MCAM: variants seen among roughly 807,000 people sequenced by gnomAD.
MCAM encodes cell surface glycoprotein MUC18.
A neutral mutation model predicts 79.1 loss-of-function variants in MCAM; 55 were observed. The ratio of observed to expected loss-of-function variants is 0.70; its 90% CI spans 0.56 to 0.87. MCAM has a LOEUF of 0.87. Ranked by LOEUF, MCAM falls within the 40% of genes least tolerant of loss-of-function variation. The pLI is 0.00. For synonymous variants in MCAM, 330 were observed against 339.8 expected (o/e 0.97, Z 0.32); for missense variants, 745 against 839.8 (o/e 0.89, Z 1.40).
In MCAM at chr11:119,316,754, C is replaced by T. The variant is rs1267419996; in HGVS notation, c.67+281G>A. The T allele has an allele frequency of 1.5e-5, 7 of 453,952 alleles. No individual in the cohort carries two copies. The East Asian group carries it at 2.1e-4, about 14-fold the overall frequency. 28.1% of individuals were successfully genotyped at this position (453,952 alleles called of 1,614,324 possible). A position where few individuals can be genotyped will look rare whatever the true frequency, so the allele number is the denominator to read the frequency against. On this transcript the variant is annotated intron_variant, in intron 1 of 15. Coordinates refer to ENST00000264036, the MANE Select transcript of MCAM (RefSeq NM_006500.3). This position sits in a 1 kb window ranked among gnomAD's most constrained non-coding sequence, Gnocchi z 4.8. Reference sequence around the variant, plus strand: ...GAGCACCTCAGGGACCACCCACCCCCCAGCACCCCGAAAGGCTGAGCTCCA... The same window carrying T: ...GAGCACCTCAGGGACCACCCACCCCTCAGCACCCCGAAAGGCTGAGCTCCA...
In MCAM at chr11:119,317,122, G is replaced by A. The variant is rs1166319929; in HGVS notation, c.-21C>T. The A allele has an allele frequency of 6.6e-7, 1 of 1,514,780 alleles. No individual in the cohort carries two copies. 93.8% of individuals were successfully genotyped at this position (1,514,780 alleles called of 1,614,324 possible). A position where few individuals can be genotyped will look rare whatever the true frequency, so the allele number is the denominator to read the frequency against. ...CCCATGCTTCCCGGCCGGAGGGCGAGAGCCAAGTGAGCAGCTCGAGGCTGC... is the reference window on the plus strand; with the variant it reads ...CCCATGCTTCCCGGCCGGAGGGCGAAAGCCAAGTGAGCAGCTCGAGGCTGC... On this transcript the variant is annotated 5_prime_UTR_variant, in exon 1 of 16. Transcript: ENST00000264036. The surrounding 1 kb of genome is among the most constrained non-coding windows in gnomAD (Gnocchi z 6.2).
At position 119,315,074 on chromosome 11, in the gene MCAM, C is replaced by T. The variant is rs1591287774; in HGVS notation, c.193-34G>A. 2.5e-6 allele frequency: 4 copies of T among 1,610,440 alleles called. No homozygotes were observed. In the African/African-American group the frequency reaches 4.0e-5, roughly 16 times the overall value. On this transcript the variant is annotated intron_variant, in intron 2 of 15. Transcript: ENST00000264036. This position sits in a 1 kb window ranked among gnomAD's most constrained non-coding sequence, Gnocchi z 4.4. ...AGGAGACACAGAGGAGGAGAAGGGTCCTGGGCTACAAGAGGGGCAGAGTCT... is the reference window on the plus strand; with the variant it reads ...AGGAGACACAGAGGAGGAGAAGGGTTCTGGGCTACAAGAGGGGCAGAGTCT...
Position 119,314,431 on chromosome 11 carries a change from C to T in MCAM, c.559+58G>A. Reference sequence around the variant, plus strand: ...TTGGCCTCCCAAAGCACCGAGATTACAGGTGTGAGCTACCACACCTGGCCC... The same window carrying T: ...TTGGCCTCCCAAAGCACCGAGATTATAGGTGTGAGCTACCACACCTGGCCC... On this transcript the variant is annotated intron_variant, in intron 5 of 15. Coordinates refer to ENST00000264036, the MANE Select transcript of MCAM (RefSeq NM_006500.3). 6.8e-6 allele frequency: 10 copies of T among 1,475,342 alleles called. No homozygotes were observed. In the South Asian group the frequency reaches 8.0e-5, roughly 12 times the overall value. 91.4% of individuals were successfully genotyped at this position (1,475,342 alleles called of 1,614,324 possible).
chr11:119,313,136 A>T, intron 5 of MCAM, 187 bp from the exon 6 acceptor site: 1 of 1,530,554 alleles, frequency 6.5e-7, no homozygotes, highest in African/African-American at 1.4e-5. Context: ...AACCCTAGAA[A>T]AACATTTTCA....
At position 119,312,425 on chromosome 11, in the gene MCAM, G is replaced by T; in HGVS notation, c.865C>A (p.Pro289Thr). Residue 289 changes from proline (P) to threonine (T), a missense_variant, in exon 8 of 16, where the codon CCC becomes ACC. Pro to Thr is a conservative substitution (Grantham distance 38, BLOSUM62 -1). Coordinates refer to ENST00000264036, the MANE Select transcript of MCAM (RefSeq NM_006500.3). The surrounding 1 kb of genome is among the most constrained non-coding windows in gnomAD (Gnocchi z 4.9). The stretch of plus-strand genomic sequence containing the variant: ...TCTTCCTCTGCCTCCCTGGTGCTGG[G>T]GTTCTAGGGAGGATTGGGGAGGTGA... ...PPHFSISKQNPSTREAEEETT... is the reference protein window; with the variant it reads ...PPHFSISKQNTSTREAEEETT... The T allele has an allele frequency of 6.2e-7, 1 of 1,613,888 alleles. No homozygotes were observed. Among genetic ancestry groups the T allele is most frequent in the Non-Finnish European group, 8.5e-7 (1 of 1,179,920 alleles).
rs766198942 is a variant in MCAM at position 119,317,035 on chromosome 11, C to T, written c.67G>A (p.Gly23Ser). 1.3e-6 allele frequency: 2 copies of T among 1,532,490 alleles called. No homozygotes were observed. The highest frequency in any genetic ancestry group is 1.7e-6 in the Non-Finnish European group (2 of 1,144,110). The allele number at this position is 1,532,490 out of a possible 1,614,324, so 94.9% of individuals were successfully genotyped here. ...GCGGCCCCCCTGCGAGCGAACTCAC[C>T]CGCGACGCGAGGACAGCAGCAGCAG... is the stretch of plus-strand genomic sequence containing the variant. ...AACCCCPRVA[G>S]VPGEAEQPAP... is the part of the protein sequence containing the mutation. Residue 23 changes from glycine to serine, a missense_variant and splice_region_variant, in exon 1 of 16, where the codon GGT (glycine) becomes AGT (serine). Coordinates refer to ENST00000264036, the MANE Select transcript of MCAM (RefSeq NM_006500.3). This position sits in a 1 kb window ranked among gnomAD's most constrained non-coding sequence, Gnocchi z 6.2.
chr11:119,310,895 G>C lies in MCAM; in HGVS notation c.1654C>G (p.Leu552Val). 6.2e-7 allele frequency: 1 copy of C among 1,614,170 alleles called. No homozygotes were observed. The highest frequency in any genetic ancestry group is 1.3e-5 in the African/African-American group (1 of 75,040). The change falls in exon 14 of 16, where the codon CTG (leucine) becomes GTG (valine). Residue 552 changes from leucine (L) to valine (V), a missense_variant. Transcript: ENST00000264036. ...RANSTSTERK[L>V]PEPESRGVVI... ...ACGCCCCGGCTCTCCGGCTCCGGCA[G>C]CTTTCTCTCTGCGCCACAAAGACAC...
In MCAM at chr11:119,316,820, G is replaced by A. The variant is rs1313469854; in HGVS notation, c.67+215C>T. 3.9e-6 allele frequency: 2 copies of A among 514,848 alleles called. No individual in the cohort carries two copies. The highest frequency in any genetic ancestry group is 6.9e-6 in the Non-Finnish European group (2 of 290,760). 31.9% of individuals were successfully genotyped at this position (514,848 alleles called of 1,614,324 possible). On this transcript the variant is annotated intron_variant, in intron 1 of 15. Coordinates refer to ENST00000264036, the MANE Select transcript of MCAM (RefSeq NM_006500.3). This position sits in a 1 kb window ranked among gnomAD's most constrained non-coding sequence, Gnocchi z 4.8. ...AGAAGCAGCCTCCTCCCCGCCTTCCGAGTGCTGCTCCCGGGATACTCTAGA... is the reference window on the plus strand; with the variant it reads ...AGAAGCAGCCTCCTCCCCGCCTTCCAAGTGCTGCTCCCGGGATACTCTAGA...
chr11:119,310,773 G>A lies in MCAM; in HGVS notation c.1776C>T (p.Arg592=), dbSNP rs762671444. 1 of 1,614,066 alleles carries A rather than the reference G, an allele frequency of 6.2e-7. No individual in the cohort carries two copies. The highest frequency in any genetic ancestry group is 8.5e-7 in the Non-Finnish European group (1 of 1,180,020). The part of the protein sequence containing the change: ...LYKKGKLPCR[R]SGKQEITLPP... Reference sequence around the variant, plus strand: ...GGGCTTACATCTCCTGCTTCCCTGAGCGCCTGCACGGCAGCTTGCCCTTCT... The same window carrying A: ...GGGCTTACATCTCCTGCTTCCCTGAACGCCTGCACGGCAGCTTGCCCTTCT... The change falls in exon 14 of 16, where the codon CGC becomes CGT. Residue 592 remains arginine (R), a synonymous_variant. Transcript: ENST00000264036.
rs898678429 is a variant in MCAM at position 119,308,592 on chromosome 11, C to T, written c.*1294G>A. ...ATATTTTCATATATATATATACATA[C>T]ATATATAAAGGAAACAATTTGCAAA... is the stretch of plus-strand genomic sequence containing the variant. On this transcript the variant is annotated 3_prime_UTR_variant, in exon 16 of 16. Coordinates refer to ENST00000264036, the MANE Select transcript of MCAM (RefSeq NM_006500.3). 1 of 150,614 alleles carries T rather than the reference C, an allele frequency of 6.6e-6. No homozygotes were observed. Among genetic ancestry groups the T allele is most frequent in the Non-Finnish European group, 1.5e-5 (1 of 67,744 alleles). 9.3% of individuals were successfully genotyped at this position (150,614 alleles called of 1,614,324 possible). A position where few individuals can be genotyped will look rare whatever the true frequency, so the allele number is the denominator to read the frequency against.
At position 119,311,510 on chromosome 11, in the gene MCAM, C is replaced by T; in HGVS notation, c.1407+20G>A. The stretch of plus-strand genomic sequence containing the variant: ...GCAGGCAGGGATTAGGAGAGTGTGG[C>T]AGATGAGACACCCGCTCACCGTGCC... On this transcript the variant is annotated intron_variant, in intron 11 of 15. Transcript: ENST00000264036. The surrounding 1 kb of genome is among the most constrained non-coding windows in gnomAD (Gnocchi z 4.4). 6.2e-7 allele frequency: 1 copy of T among 1,614,068 alleles called. No individual in the cohort carries two copies. The highest frequency in any genetic ancestry group is 8.5e-7 in the Non-Finnish European group (1 of 1,179,986).
intron 5 of MCAM, chr11:119,313,255 C>A: frequency 7.2e-7 from 1 of 1,380,516 alleles, no homozygotes; most frequent in Non-Finnish European, 9.5e-7. Context: ...ACCTGCTATG[C>A]GTAGTATGGA....
Position 119,311,945 on chromosome 11 carries a change from C to A in MCAM, c.1148G>T (p.Gly383Val). 1.2e-6 allele frequency: 2 copies of A among 1,613,586 alleles called. No individual in the cohort carries two copies. Among genetic ancestry groups the A allele is most frequent in the South Asian group, 1.1e-5 (1 of 91,072 alleles). ...LEFQWLREET[G>V]QVLERGPVLQ... The stretch of plus-strand genomic sequence containing the variant: ...CACAGGCCCCCTTTCCAGCACCTGG[C>A]CTGTCTGGGATGAGAGATGGGTCAG... Residue 383 changes from glycine (G) to valine (V), a missense_variant, in exon 10 of 16, where the codon GGC becomes GTC. Physicochemically the swap from Gly to Val is moderately radical, Grantham distance 109 (BLOSUM62 -3). Coordinates refer to ENST00000264036, the MANE Select transcript of MCAM (RefSeq NM_006500.3). This position sits in a 1 kb window ranked among gnomAD's most constrained non-coding sequence, Gnocchi z 4.4.
chr11:119,312,479 G>A lies in MCAM; in HGVS notation c.861+48C>T, dbSNP rs180940239. The A allele has an allele frequency of 7.6e-4, 1,234 of 1,613,804 alleles. 2 individuals carry two copies. Among genetic ancestry groups the A allele is most frequent in the Middle Eastern group, 2.0e-3 (12 of 6,062 alleles). On this transcript the variant is annotated intron_variant, in intron 7 of 15. Transcript: ENST00000264036. The surrounding 1 kb of genome is among the most constrained non-coding windows in gnomAD (Gnocchi z 4.9). ...GAGTGCACCTCCCGCCACTCCACCT[G>A]GGTCTCTGCTTGCATCCCCACCTGC...
rs1264552338 is a variant in MCAM, at chr11:119,315,566, G to T, written c.68-303C>A. On this transcript the variant is annotated intron_variant, in intron 1 of 15. Coordinates refer to ENST00000264036, the MANE Select transcript of MCAM (RefSeq NM_006500.3). The surrounding 1 kb of genome is among the most constrained non-coding windows in gnomAD (Gnocchi z 4.4). ...ACCTAGGCTCGGGGCCAAGAGGAAG[G>T]CCCCTTTCCTTCCAGGCCCCCTCCT... is the stretch of plus-strand genomic sequence containing the variant. The T allele has an allele frequency of 5.1e-6, 2 of 393,026 alleles. No individual in the cohort carries two copies. The highest frequency in any genetic ancestry group is 4.8e-5 in the East Asian group (1 of 20,814). 24.3% of individuals were successfully genotyped at this position (393,026 alleles called of 1,614,324 possible).
Position 119,309,916 on chromosome 11 carries a change from C to T in MCAM, c.1912-1G>A, listed in dbSNP as rs755997202. 1 of 1,600,910 alleles carries T rather than the reference C, an allele frequency of 6.2e-7. No homozygotes were observed. The highest frequency in any genetic ancestry group is 8.5e-7 in the Non-Finnish European group (1 of 1,173,662). On this transcript the variant is annotated splice_acceptor_variant, in intron 15 of 15. Transcript: ENST00000264036. LOFTEE classifies it high-confidence loss of function. The stretch of plus-strand genomic sequence containing the variant: ...GCCTCAGATCGATGTATTTCTCTCC[C>T]TAAAAGTGGGTAGAGGAGAAGAGGG...
At position 119,312,414 on chromosome 11, in the gene MCAM, C is replaced by G. The variant is rs1001551617; in HGVS notation, c.876G>C (p.Arg292Ser). 6.2e-7 allele frequency: 1 copy of G among 1,613,904 alleles called. No homozygotes were observed. Among genetic ancestry groups the G allele is most frequent in the Non-Finnish European group, 8.5e-7 (1 of 1,179,968 alleles). The change falls in exon 8 of 16, where the codon AGG becomes AGC. Residue 292 changes from arginine (R) to serine (S), a missense_variant. Transcript: ENST00000264036. This position sits in a 1 kb window ranked among gnomAD's most constrained non-coding sequence, Gnocchi z 4.9. ...CGTTGGTTGTCTCTTCCTCTGCCTC[C>G]CTGGTGCTGGGGTTCTAGGGAGGAT... ...FSISKQNPST[R>S]EAEEETTNDN...
Position 119,316,412 on chromosome 11 carries a change from G to C in MCAM, c.67+623C>G, listed in dbSNP as rs188623296. 1 of 152,268 alleles carries C rather than the reference G, an allele frequency of 6.6e-6. No homozygotes were observed. Among genetic ancestry groups the C allele is most frequent in the Non-Finnish European group, 1.5e-5 (1 of 68,088 alleles). The allele number at this position is 152,268 out of a possible 1,614,324, so 9.4% of individuals were successfully genotyped here. A position where few individuals can be genotyped will look rare whatever the true frequency, so the allele number is the denominator to read the frequency against. ...AATGTGGTCCCCAAAATAAGCCAGC[G>C]GGCGCTTCCAGTATGGGAATCCTCC... On this transcript the variant is annotated intron_variant, in intron 1 of 15. Transcript: ENST00000264036. This position sits in a 1 kb window ranked among gnomAD's most constrained non-coding sequence, Gnocchi z 4.8.
In MCAM at chr11:119,312,664, G is replaced by A. The variant is rs896629613; in HGVS notation, c.740-16C>T. 1.9e-6 allele frequency: 3 copies of A among 1,614,040 alleles called. No individual in the cohort carries two copies. Among genetic ancestry groups the A allele is most frequent in the African/African-American group, 1.3e-5 (1 of 74,910 alleles). On this transcript the variant is annotated splice_polypyrimidine_tract_variant and intron_variant, in intron 6 of 15. Coordinates refer to ENST00000264036, the MANE Select transcript of MCAM (RefSeq NM_006500.3). This position sits in a 1 kb window ranked among gnomAD's most constrained non-coding sequence, Gnocchi z 4.9. ...TCTGTCGGGTCTGCATAGGCAAAGG[G>A]GGTAGCTCTTGGCCCATGAGTCAAC... is the stretch of plus-strand genomic sequence containing the variant.
Sources: allele counts gnomAD v4.1 joint callset, GRCh38; gene constraint gnomAD v4.1.1; non-coding constraint Gnocchi (gnomAD v3.1); transcripts MANE v1.5; gene names NCBI Gene and HGNC (gene_info 2026-07-23, HGNC 2026-07-21).